Variants in SLC8A1 observed in about 807,000 individuals in gnomAD.
The protein encoded by SLC8A1 is sodium/calcium exchanger 1.
SLC8A1 carries 18 observed loss-of-function variants against 68.3 expected under a neutral mutation model. The ratio of observed to expected loss-of-function variants is 0.26; its 90% CI spans 0.18 to 0.39. SLC8A1 has a LOEUF of 0.39. SLC8A1 is among the 10% of genes least tolerant of loss of function. SLC8A1 has a pLI of 1.00. For synonymous variants in SLC8A1, 475 were observed against 415.5 expected, an observed-to-expected ratio of 1.14 and a Z score of -1.74; for missense variants, 985 against 1,156.7, an observed-to-expected ratio of 0.85 and a Z score of 2.15.
intron 2 of SLC8A1, among the ~76,000 whole-genome samples, chr2:40,203,236 G>A (rs2054746998): frequency 6.6e-6 from 1 of 151,974 alleles, no homozygotes; most frequent in Admixed American, 6.6e-5. Flanking sequence ...TGATTCTGGA[G>A]GTAATAATCC....
At chr2:40,429,570 A>G in exon 2 of SLC8A1, 1 of 1,613,738 alleles carries the variant, frequency 6.2e-7, no homozygotes, top group Non-Finnish European at 8.5e-7. Flanking sequence ...AGAAGAAAGT[A>G]AGCAAACCTT....
At position 40,397,173 on chromosome 2, in the gene SLC8A1, GA is replaced by G. The variant is rs1157044150; in HGVS notation, c.1808+31299del. 2.1e-4 allele frequency among the ~76,000 whole-genome samples: 32 copies of G among 152,256 alleles called. No individual in the cohort carries two copies. In the East Asian group the frequency reaches 2.7e-3, roughly 13 times the overall value. Reference sequence around the variant, plus strand: ...TTAAAGTAATTCCTGGCACATAGTAGATATCCAAGAAGGTGTCTGACTCCAC... The same window carrying G: ...TTAAAGTAATTCCTGGCACATAGTAGTATCCAAGAAGGTGTCTGACTCCAC... On this transcript the variant is annotated intron_variant, in intron 2 of 7. Coordinates refer to ENST00000406785, the Ensembl canonical transcript of SLC8A1.
intron 2 of SLC8A1, among the ~76,000 whole-genome samples, chr2:40,184,922 AAAAG>A (rs1366383839): frequency 2.7e-5 from 4 of 150,672 alleles, no homozygotes; most frequent in Non-Finnish European, 4.4e-5. Flanking sequence ...AAAAAAAAGG[AAAAG>A]AAAGAAAAAA....
chr2:40,314,116 T>A (rs2074117904), intron 2 of SLC8A1, among the ~76,000 whole-genome samples: 1 of 152,060 alleles, frequency 6.6e-6, no homozygotes, highest in East Asian at 1.9e-4. Flanking sequence ...TCACCGTTTT[T>A]TGAAAAAAAT....
At chr2:40,432,881 A>G (rs752123016) in intron 1 of SLC8A1, among the ~76,000 whole-genome samples, 1 of 152,152 alleles carries the variant, frequency 6.6e-6, no homozygotes, top group African/African-American at 2.4e-5. Context: ...AATCTAATTT[A>G]TAAGTGATCC....
intron 2 of SLC8A1, among the ~76,000 whole-genome samples, chr2:40,405,834 G>T (rs937431459): frequency 1.3e-5 from 2 of 152,116 alleles, no homozygotes; most frequent in East Asian, 3.8e-4. Context: ...TATTCTGATG[G>T]TATGAATAAG....
intron 2 of SLC8A1, among the ~76,000 whole-genome samples, chr2:40,237,832 C>T (rs1216459633): frequency 1.3e-5 from 2 of 152,082 alleles, no homozygotes; most frequent in African/African-American, 2.4e-5. Context: ...CAGACAGGAC[C>T]CTCAGCTGCA....
chr2:40,338,456 C>A (rs2149399136), intron 2 of SLC8A1, among the ~76,000 whole-genome samples: 1 of 152,084 alleles, frequency 6.6e-6, no homozygotes, highest in East Asian at 1.9e-4. Context: ...GAACTCTGAG[C>A]CTGCTGATTG....
upstream of SLC8A1, among the ~76,000 whole-genome samples, chr2:40,455,397 C>G (rs186088756): frequency 6.6e-6 from 1 of 152,102 alleles, no homozygotes; most frequent in African/African-American, 2.4e-5. Flanking sequence ...TCAGAGGTAC[C>G]TCTATTGTCT....
chr2:40,179,882 T>A (rs1368316147), intron 2 of SLC8A1, among the ~76,000 whole-genome samples: 1 of 152,204 alleles, frequency 6.6e-6, no homozygotes, highest in African/African-American at 2.4e-5. Context: ...AGTCTTGCTT[T>A]TTGGCTTAGC....
intron 2 of SLC8A1, among the ~76,000 whole-genome samples, chr2:40,240,489 C>T (rs940384663): frequency 1.3e-5 from 2 of 152,104 alleles, no homozygotes; most frequent in African/African-American, 2.4e-5. Context: ...GAAGCAAACC[C>T]CACTGTAGTA....
intron 2 of SLC8A1, chr2:40,251,712 G>A (rs1347781844): frequency 1.3e-5 from 2 of 152,218 alleles, no homozygotes; most frequent in African/African-American, 4.8e-5. Context: ...AGCTGGGAGA[G>A]AGGGTCAACA....
intron 1 of SLC8A1, among the ~76,000 whole-genome samples, chr2:40,434,213 C>T (rs149600638): frequency 1.1e-4 from 17 of 152,178 alleles, no homozygotes; most frequent in South Asian, 4.1e-4. Flanking sequence ...AGGGGGCTTC[C>T]GGTGTTAACT....
At chr2:40,253,121 A>G (rs551306077) in intron 2 of SLC8A1, among the ~76,000 whole-genome samples, 1 of 109,862 alleles carries the variant, frequency 9.1e-6, no homozygotes, top group African/African-American at 4.0e-5. Flanking sequence ...GTGTATACAT[A>G]TATACACGTA....
exon 8 of SLC8A1, chr2:40,102,207 T>C (rs1358175865): frequency 6.6e-6 from 1 of 152,140 alleles, no homozygotes; most frequent in Non-Finnish European, 1.5e-5. Context: ...TGTAGAAAAT[T>C]CTATGGCCTC....
chr2:40,223,476 T>C (rs1284607097), intron 2 of SLC8A1, among the ~76,000 whole-genome samples: 2 of 152,120 alleles, frequency 1.3e-5, no homozygotes, highest in Non-Finnish European at 2.9e-5. Context: ...GTAATGAACT[T>C]GCACTTTCTG....
chr2:40,319,821 T>C (rs1306862682), intron 2 of SLC8A1, among the ~76,000 whole-genome samples: 1 of 152,134 alleles, frequency 6.6e-6, no homozygotes, highest in African/African-American at 2.4e-5. Flanking sequence ...CACTTTCTTA[T>C]CAATTTCTTA....
At chr2:40,140,502 G>C (rs1558501249) in intron 6 of SLC8A1, among the ~76,000 whole-genome samples, 2 of 152,210 alleles carry the variant, frequency 1.3e-5, no homozygotes, top group African/African-American at 4.8e-5. Context: ...TGCTTCCTGA[G>C]CAGGTGGCAC....
chr2:40,308,001 C>A (rs1270267813), intron 2 of SLC8A1, among the ~76,000 whole-genome samples: 1 of 151,902 alleles, frequency 6.6e-6, no homozygotes, highest in Non-Finnish European at 1.5e-5. Flanking sequence ...AAATGAAATA[C>A]TGAGATAATA....
Sources: gnomAD v4.1 joint callset for allele counts (sites outside exome capture counted in the v4.1 genomes callset) on GRCh38, gnomAD v4.1.1 for gene constraint, MANE v1.5 for transcripts, NCBI Gene and HGNC (gene_info 2026-07-23, HGNC 2026-07-21) for gene names.